Variants in MYO5A observed in about 807,000 individuals in gnomAD.
MYO5A encodes unconventional myosin-Va.
A neutral mutation model predicts 249.7 loss-of-function variants in MYO5A; 98 were observed. That is an observed-to-expected ratio of 0.39 (90% CI 0.33 to 0.46). The LOEUF (loss-of-function observed/expected upper bound fraction) is 0.46. MYO5A is among the 20% of genes least tolerant of loss of function. MYO5A has a pLI of 0.98. For missense variants in MYO5A, 1,696 were observed against 2,308.8 expected (o/e 0.73, Z 5.44); for synonymous variants, 778 against 810.6 (o/e 0.96, Z 0.68).
chr15:52,388,663 T>C (rs1244950529), intron 13 of MYO5A, among the ~76,000 whole-genome samples: 3 of 152,140 alleles, frequency 2.0e-5, no homozygotes, highest in Non-Finnish European at 4.4e-5. Context: ...AAGTACACTA[T>C]AGAACTTGTG....
chr15:52,484,384 G>A (rs1278557296), intron 1 of MYO5A, among the ~76,000 whole-genome samples: 1 of 152,132 alleles, frequency 6.6e-6, no homozygotes, highest in Admixed American at 6.5e-5. Context: ...TAGCCAGGGA[G>A]GATAGAGTAG....
intron 1 of MYO5A, among the ~76,000 whole-genome samples, chr15:52,460,217 G>A (rs977774395): frequency 1.3e-5 from 2 of 152,152 alleles, no homozygotes; most frequent in Non-Finnish European, 2.9e-5. Context: ...CGGCCAGGCC[G>A]AGACGCTCCT....
At chr15:52,315,457 T>C (rs2037955497) in intron 40 of MYO5A, among the ~76,000 whole-genome samples, 2 of 152,144 alleles carry the variant, frequency 1.3e-5, no homozygotes, top group African/African-American at 2.4e-5. Flanking sequence ...TCACTGCCAC[T>C]TCTGCCTCCC....
chr15:52,375,689 C>T (rs1334920580), intron 19 of MYO5A, among the ~76,000 whole-genome samples: 1 of 152,208 alleles, frequency 6.6e-6, no homozygotes, highest in Non-Finnish European at 1.5e-5. Flanking sequence ...CCCTCCCTAA[C>T]TCTGGAAAGT....
At chr15:52,345,795 A>G (rs2039593893) in intron 30 of MYO5A, among the ~76,000 whole-genome samples, 1 of 152,190 alleles carries the variant, frequency 6.6e-6, no homozygotes, top group Non-Finnish European at 1.5e-5. Flanking sequence ...TCCTGAAACT[A>G]TCCATCAAGA....
At chr15:52,355,425 A>G (rs569915426) in intron 25 of MYO5A, among the ~76,000 whole-genome samples, 1 of 152,358 alleles carries the variant, frequency 6.6e-6, no homozygotes, top group South Asian at 2.1e-4. Context: ...AGCCCTCACT[A>G]CTTTAACAAA....
intron 24 of MYO5A, among the ~76,000 whole-genome samples, chr15:52,362,201 T>A (rs2040565715): frequency 6.6e-6 from 1 of 152,232 alleles, no homozygotes; most frequent in Non-Finnish European, 1.5e-5. Flanking sequence ...GGCCCATGTA[T>A]CACATAGGTT....
At chr15:52,479,743 A>T (rs1481816077) in intron 1 of MYO5A, among the ~76,000 whole-genome samples, 1 of 152,136 alleles carries the variant, frequency 6.6e-6, no homozygotes, top group Non-Finnish European at 1.5e-5. Flanking sequence ...ACAGATTATC[A>T]TTTGTGGTTT....
Position 52,310,671 on chromosome 15 carries a change from G to A in MYO5A, c.*3025C>T, listed in dbSNP as rs1465339184. ...AGTGCACAGTCAAACAGCAGGCAAC[G>A]GGATAGACGATTAAGTTGAGGGAAG... On this transcript the variant is annotated 3_prime_UTR_variant, in exon 42 of 42. Coordinates refer to ENST00000399233, the MANE Select transcript of MYO5A (RefSeq NM_001382347.1). The A allele has an allele frequency of 3.3e-5, 5 of 152,286 alleles. No individual in the cohort carries two copies. The highest frequency in any genetic ancestry group is 1.9e-4 in the East Asian group (1 of 5,200). The allele number at this position is 152,286 out of a possible 1,614,324, so 9.4% of individuals were successfully genotyped here. A position where few individuals can be genotyped will look rare whatever the true frequency, so the allele number is the denominator to read the frequency against.
chr15:52,447,961 T>C (rs68101123), intron 1 of MYO5A, among the ~76,000 whole-genome samples: 22,886 of 152,266 alleles, frequency 0.15, 1,832 homozygotes, highest in Middle Eastern at 0.22. Flanking sequence ...AGGCAGAGCC[T>C]TCATGGAGAA....
intron 38 of MYO5A, among the ~76,000 whole-genome samples, chr15:52,320,751 C>T (rs1452713512): frequency 6.6e-6 from 1 of 152,092 alleles, no homozygotes; most frequent in African/African-American, 2.4e-5. Flanking sequence ...CAGGGGCTCA[C>T]ACCTGTAATC....
chr15:52,431,856 C>T (rs1227306675), intron 2 of MYO5A, among the ~76,000 whole-genome samples: 1 of 151,980 alleles, frequency 6.6e-6, no homozygotes, highest in Non-Finnish European at 1.5e-5. Context: ...GGCATGGTGG[C>T]TCATGCCTGT....
At chr15:52,492,781 G>A (rs1256801327) in intron 1 of MYO5A, among the ~76,000 whole-genome samples, 5 of 152,238 alleles carry the variant, frequency 3.3e-5, no homozygotes, top group African/African-American at 1.2e-4. Flanking sequence ...AAGGCAAAAT[G>A]AGTGAGGATA....
In MYO5A at chr15:52,377,146, G is replaced by T. The variant is rs551120584; in HGVS notation, c.2209-588C>A. ...ATGTTTAAAATCCTACAAATTGGCCGGGTGTAGTGGCTCACGTGTGTAATC... is the reference window on the plus strand; with the variant it reads ...ATGTTTAAAATCCTACAAATTGGCCTGGTGTAGTGGCTCACGTGTGTAATC... On this transcript the variant is annotated intron_variant, in intron 18 of 41. Coordinates refer to ENST00000399233, the MANE Select transcript of MYO5A (RefSeq NM_001382347.1). 2.0e-5 allele frequency among the ~76,000 whole-genome samples: 3 copies of T among 152,050 alleles called. No individual in the cohort carries two copies. The South Asian group carries it at 6.2e-4, about 32-fold the overall frequency.
chr15:52,378,418 G>A (rs568221030), intron 18 of MYO5A, among the ~76,000 whole-genome samples: 14 of 149,518 alleles, frequency 9.4e-5, no homozygotes, highest in African/African-American at 3.2e-4. Context: ...CTACTGGGGG[G>A]GCTGAGGTAG....
intron 1 of MYO5A, among the ~76,000 whole-genome samples, chr15:52,522,132 G>GA (rs1422566269): frequency 6.6e-6 from 1 of 152,096 alleles, no homozygotes; most frequent in Non-Finnish European, 1.5e-5. Context: ...AAACCAAAAA[G>GA]AAAAAACTTC....
At chr15:52,492,512 C>T (rs575292861) in intron 1 of MYO5A, among the ~76,000 whole-genome samples, 15 of 152,260 alleles carry the variant, frequency 9.9e-5, no homozygotes, top group African/African-American at 3.6e-4. Context: ...ATTCCAGACT[C>T]CCAGAAGGAA....
chr15:52,342,986 C>G, intron 31 of MYO5A, 131 bp downstream of exon 31: 1 of 761,172 alleles, frequency 1.3e-6, no homozygotes, highest in South Asian at 1.5e-5. Flanking sequence ...ACAAATAACA[C>G]AATTACTAAC....
At chr15:52,415,060 T>C (rs16964971) in intron 5 of MYO5A, among the ~76,000 whole-genome samples, 3,154 of 152,164 alleles carry the variant, frequency 0.021, 89 homozygotes, top group African/African-American at 0.072. Flanking sequence ...AGATAAGAGG[T>C]CACGGCATTC....
Sources: allele counts gnomAD v4.1 joint callset (sites outside exome capture counted in the v4.1 genomes callset), GRCh38; gene constraint gnomAD v4.1.1; transcripts MANE v1.5; gene names NCBI Gene and HGNC (gene_info 2026-07-23, HGNC 2026-07-21).